DPP6: variants seen among roughly 807,000 people sequenced by gnomAD.
DPP6 encodes the protein dipeptidyl peptidase like 6.
Under a neutral mutation model 122.6 loss-of-function variants are expected in DPP6, and 69 were observed. The observed-to-expected ratio is 0.56, with a 90% confidence interval of 0.46 to 0.69. The LOEUF (loss-of-function observed/expected upper bound fraction) is 0.69, where lower values mean the gene tolerates loss of function less well. Among genes scored for constraint, DPP6 ranks in the 30% least tolerant of loss-of-function variants. The probability of loss-of-function intolerance (pLI) is 0.00; values close to 1 mark genes in which losing one functional copy is unlikely to be tolerated. For synonymous variants in DPP6, 418 were observed against 433.1 expected, an observed-to-expected ratio of 0.97 and a Z score of 0.43; for missense variants, 928 against 1,116.9, an observed-to-expected ratio of 0.83 and a Z score of 2.41.
chr7:153,817,003 T>G, the DPP6 span, among the ~76,000 whole-genome samples: 1 of 150,914 alleles, frequency 6.6e-6, no homozygotes, highest in South Asian at 2.2e-4. Context: ...CTTACCCATA[T>G]GGGGAAACAT....
chr7:154,111,163 G>T (rs28699530), intron 1 of DPP6, among the ~76,000 whole-genome samples: 80,316 of 151,802 alleles, frequency 0.53, 23,216 homozygotes, highest in East Asian at 0.74. Flanking sequence ...ACATTCAGTT[G>T]TTGTTATTTG....
At chr7:154,589,573 C>T (rs1441044196) in intron 5 of DPP6, among the ~76,000 whole-genome samples, 2 of 152,212 alleles carry the variant, frequency 1.3e-5, no homozygotes, top group African/African-American at 4.8e-5. Context: ...GGTGGCATTA[C>T]CCACACGTGG....
At chr7:154,400,514 G>A (rs1026149494) in intron 1 of DPP6, among the ~76,000 whole-genome samples, 13 of 152,248 alleles carry the variant, frequency 8.5e-5, no homozygotes, top group Admixed American at 2.6e-4. Context: ...CCATTTTAGC[G>A]GCTGCCCACC....
chr7:154,153,593 G>GTCC (rs1563254445), intron 1 of DPP6, among the ~76,000 whole-genome samples: 1 of 151,946 alleles, frequency 6.6e-6, no homozygotes, highest in Non-Finnish European at 1.5e-5. Context: ...ACACCTGCAG[G>GTCC]TCCACCCTCT....
the DPP6 span, among the ~76,000 whole-genome samples, chr7:153,808,398 T>A: frequency 2.0e-5 from 3 of 150,756 alleles, no homozygotes; most frequent in Non-Finnish European, 4.4e-5. Context: ...TGTGTGCCTG[T>A]GTGTGTGCCT....
intron 1 of DPP6, among the ~76,000 whole-genome samples, chr7:153,963,248 C>T (rs1475300385): frequency 4.0e-5 from 6 of 151,866 alleles, no homozygotes; most frequent in South Asian, 2.1e-4. Flanking sequence ...TGAGTGGCCA[C>T]GCTCATAAGG....
rs147976247 is a variant in DPP6, at chr7:154,313,751, A to ACACACC, written c.244-132462_244-132461insACACCC. ...CACGCACACACACACACACACACAC[A>ACACACC]CCCTTACATATATATGTAGTACTTC... On this transcript the variant is annotated intron_variant, in intron 1 of 25. Coordinates refer to ENST00000377770, the MANE Select transcript of DPP6 (RefSeq NM_130797.4). Among the ~76,000 whole-genome samples, 107 of 45,262 alleles carry ACACACC rather than the reference A, an allele frequency of 2.4e-3. 6 individuals are homozygous for ACACACC. Among genetic ancestry groups the ACACACC allele is most frequent in the South Asian group, 4.4e-3 (4 of 900 alleles). 29.7% of individuals were successfully genotyped at this position (45,262 alleles called of 152,430 possible).
rs756212913 is a variant in DPP6, at chr7:154,875,895, T to A, written c.1884-11T>A. 6.2e-7 allele frequency: 1 copy of A among 1,603,036 alleles called. No homozygotes were observed. The highest frequency in any genetic ancestry group is 8.5e-7 in the Non-Finnish European group (1 of 1,175,208). ...GCAGCAGGCCTGCTGAGCCCGGGAT[T>A]CTCTTTCCAGGGATGGCACCCCAGG... On this transcript the variant is annotated splice_polypyrimidine_tract_variant and intron_variant, in intron 19 of 25. Transcript: ENST00000377770. This position sits in a 1 kb window ranked among gnomAD's most constrained non-coding sequence, Gnocchi z 4.5.
chr7:154,060,148 C>A (rs1485668174), intron 1 of DPP6, among the ~76,000 whole-genome samples: 1 of 147,650 alleles, frequency 6.8e-6, no homozygotes, highest in African/African-American at 2.5e-5. Flanking sequence ...CCTCCCCTGG[C>A]TCTTTGCACC....
intron 1 of DPP6, among the ~76,000 whole-genome samples, chr7:154,024,586 G>A (rs999584727): frequency 3.3e-5 from 5 of 152,168 alleles, no homozygotes; most frequent in Non-Finnish European, 7.4e-5. Context: ...TGAATTGGAA[G>A]TCAGATGTCC....
At position 154,334,960 on chromosome 7, in the gene DPP6, T is replaced by C. The variant is rs111429918; in HGVS notation, c.244-111254T>C. Among the ~76,000 whole-genome samples the C allele has an allele frequency of 3.4e-3, 525 of 152,286 alleles. 2 individuals carry two copies. The highest frequency in any genetic ancestry group is 6.8e-3 in the Middle Eastern group (2 of 294). ...GGTCCTTGTATTCAAGCCAAGCTTA[T>C]TTCTGCCTCAAAGCATTGTGCCAAG... On this transcript the variant is annotated intron_variant, in intron 1 of 25. Transcript: ENST00000377770.
chr7:154,486,420 C>G lies in DPP6; in HGVS notation c.457+11383C>G, dbSNP rs1398458499. Among the ~76,000 whole-genome samples the G allele has an allele frequency of 6.6e-6, 1 of 152,202 alleles. No homozygotes were observed. The highest frequency in any genetic ancestry group is 1.5e-5 in the Non-Finnish European group (1 of 68,036). The stretch of plus-strand genomic sequence containing the variant: ...GTGCTGGGATTACGGGTGTGAGCCA[C>G]CATGCCCGGCCACTCATGGCCTCTA... On this transcript the variant is annotated intron_variant, in intron 3 of 25. Coordinates refer to ENST00000377770, the MANE Select transcript of DPP6 (RefSeq NM_130797.4). The surrounding 1 kb of genome is among the most constrained non-coding windows in gnomAD (Gnocchi z 4.5).
intron 3 of DPP6, among the ~76,000 whole-genome samples, chr7:154,503,884 G>T (rs1054777729): frequency 6.6e-6 from 1 of 152,168 alleles, no homozygotes; most frequent in Non-Finnish European, 1.5e-5. Context: ...GATCTGTGCA[G>T]CAAATCACCA....
At chr7:154,343,996 G>A (rs1005526011) in intron 1 of DPP6, among the ~76,000 whole-genome samples, 2 of 152,072 alleles carry the variant, frequency 1.3e-5, no homozygotes, top group African/African-American at 4.8e-5. Context: ...GATTATAGGC[G>A]TGAGCCACCG....
chr7:153,902,691 C>T (rs1799687968), intron 1 of DPP6, among the ~76,000 whole-genome samples: 1 of 151,998 alleles, frequency 6.6e-6, no homozygotes, highest in Non-Finnish European at 1.5e-5. Context: ...AAAAAATTAG[C>T]TGGGTGTGGT....
intron 12 of DPP6, among the ~76,000 whole-genome samples, chr7:154,796,394 A>G (rs1233204669): frequency 6.6e-6 from 1 of 152,246 alleles, no homozygotes; most frequent in South Asian, 2.1e-4. Flanking sequence ...AAAGGAACAC[A>G]CATTAAAACA....
At chr7:154,454,666 A>G (rs9655649) in intron 2 of DPP6, among the ~76,000 whole-genome samples, 19,683 of 152,092 alleles carry the variant, frequency 0.13, 1,550 homozygotes, top group South Asian at 0.26. Context: ...CCTGGAGCGC[A>G]CAGGGCCTGG....
chr7:154,243,096 T>C (rs1801748021), intron 1 of DPP6, among the ~76,000 whole-genome samples: 1 of 152,184 alleles, frequency 6.6e-6, no homozygotes, highest in Non-Finnish European at 1.5e-5. Flanking sequence ...ACATGAAGCC[T>C]GGTATGACCA....
At chr7:153,907,283 T>C (rs1476535795) in intron 1 of DPP6, among the ~76,000 whole-genome samples, 1 of 152,158 alleles carries the variant, frequency 6.6e-6, no homozygotes, top group Non-Finnish European at 1.5e-5. Flanking sequence ...CCTGTGTTTG[T>C]TGGCCAAGAG....
Sources: allele counts gnomAD v4.1 joint callset (sites outside exome capture counted in the v4.1 genomes callset), GRCh38; gene constraint gnomAD v4.1.1; non-coding constraint Gnocchi (gnomAD v3.1); transcripts MANE v1.5; gene names NCBI Gene and HGNC (gene_info 2026-07-23, HGNC 2026-07-21).